Variants in ZNRF3 observed in about 807,000 individuals in gnomAD.
ZNRF3 encodes E3 ubiquitin-protein ligase ZNRF3.
Under a neutral mutation model 72.5 loss-of-function variants are expected in ZNRF3, and 23 were observed. The observed-to-expected ratio is 0.32, with a 90% CI of 0.23 to 0.45. ZNRF3 has a LOEUF of 0.45. Among genes scored for constraint, ZNRF3 ranks in the 20% least tolerant of loss-of-function variants. The pLI, the probability that ZNRF3 is intolerant of heterozygous loss-of-function variation, is 1.00. For synonymous variants in ZNRF3, 610 were observed against 545.3 expected (o/e 1.12, Z -1.65); for missense variants, 1,169 against 1,272.1 (o/e 0.92, Z 1.23).
rs753858182 is a variant in ZNRF3, at chr22:29,044,794, C to T, written c.648C>T (p.Tyr216=). Residue 216 remains tyrosine (Y), a synonymous_variant, in exon 5 of 9, where the codon TAC becomes TAT. Coordinates refer to ENST00000544604, the MANE Select transcript of ZNRF3 (RefSeq NM_001206998.2). ...TTCCGTTCCAGCAACCCACTGAATACTTTGACATGGGGATTTTCCTGGCTT... is the reference window on the plus strand; with the variant it reads ...TTCCGTTCCAGCAACCCACTGAATATTTTGACATGGGGATTTTCCTGGCTT... ...QHRPPRQPTE[Y]FDMGIFLAFF... 3 of 1,614,022 alleles carry T rather than the reference C, an allele frequency of 1.9e-6. No homozygotes were observed. The highest frequency in any genetic ancestry group is 2.2e-5 in the South Asian group (2 of 91,086).
At chr22:28,913,603 C>G (rs918449317) in intron 1 of ZNRF3, among the ~76,000 whole-genome samples, 4 of 152,126 alleles carry the variant, frequency 2.6e-5, no homozygotes, top group African/African-American at 9.7e-5. Flanking sequence ...CTATTTCTTC[C>G]ATTTCAGCTT....
chr22:28,968,135 CACTA>C (rs1015229142), intron 1 of ZNRF3, among the ~76,000 whole-genome samples: 1 of 152,102 alleles, frequency 6.6e-6, no homozygotes, highest in African/African-American at 2.4e-5. Flanking sequence ...CCCTCTGTGT[CACTA>C]ACTACTATTT....
intron 2 of ZNRF3, among the ~76,000 whole-genome samples, chr22:28,996,372 T>A (rs2036046016): frequency 6.6e-6 from 1 of 152,252 alleles, no homozygotes; most frequent in Non-Finnish European, 1.5e-5. Context: ...AATGTGTGCT[T>A]GCATATTCTG....
At chr22:28,945,251 A>G (rs146556149) in intron 1 of ZNRF3, among the ~76,000 whole-genome samples, 1,758 of 152,264 alleles carry the variant, frequency 0.012, 19 homozygotes, top group Middle Eastern at 0.045. Flanking sequence ...ATATCTAACA[A>G]TAAAGGGCTA....
At chr22:29,032,625 G>A (rs1032541686) in intron 2 of ZNRF3, among the ~76,000 whole-genome samples, 1 of 152,220 alleles carries the variant, frequency 6.6e-6, no homozygotes, top group Non-Finnish European at 1.5e-5. Context: ...TCAAAGGGAG[G>A]AGATAGGTGG....
intron 2 of ZNRF3, among the ~76,000 whole-genome samples, chr22:29,011,266 T>A (rs2036341969): frequency 6.6e-6 from 1 of 152,186 alleles, no homozygotes. Flanking sequence ...GATGAGGAAG[T>A]ATACAAAAGG....
chr22:28,886,696 C>T (rs187320440), intron 1 of ZNRF3, among the ~76,000 whole-genome samples: 6 of 152,220 alleles, frequency 3.9e-5, no homozygotes, highest in East Asian at 3.9e-4. Flanking sequence ...TGGTGACTGA[C>T]GCCTGTAGTC....
intron 5 of ZNRF3, 114 bp from the exon 6 acceptor site, chr22:29,046,602 C>A: frequency 3.3e-6 from 4 of 1,212,316 alleles, no homozygotes; most frequent in Non-Finnish European, 4.4e-6. Flanking sequence ...GAAGTCTGTT[C>A]CGGCATGATA....
chr22:29,043,535 A>G, intron 4 of ZNRF3, 105 bp downstream of exon 4: 1 of 1,427,908 alleles, frequency 7.0e-7, no homozygotes, highest in Non-Finnish European at 9.5e-7. Flanking sequence ...AAATGCTGGC[A>G]TACCCCAGGT....
At chr22:29,043,475 T>C in intron 4 of ZNRF3, 45 bp downstream of exon 4, 1 of 1,606,688 alleles carries the variant, frequency 6.2e-7, no homozygotes, top group South Asian at 1.1e-5. Flanking sequence ...CCTTCTCTGC[T>C]ACTACCTGTC....
chr22:29,051,290 C>G lies in ZNRF3; in HGVS notation c.2767+342C>G, dbSNP rs904408716. On this transcript the variant is annotated intron_variant, in intron 8 of 8. Coordinates refer to ENST00000544604, the MANE Select transcript of ZNRF3 (RefSeq NM_001206998.2). Reference sequence around the variant, plus strand: ...TAGTGGCTCATGCCTCTAATCTTGGCTCACCCAACCACTTTGGGAGGCCGA... The same window carrying G: ...TAGTGGCTCATGCCTCTAATCTTGGGTCACCCAACCACTTTGGGAGGCCGA... Among the ~76,000 whole-genome samples the G allele has an allele frequency of 4.6e-5, 7 of 152,296 alleles. No homozygotes were observed. The East Asian group carries it at 1.4e-3, about 29-fold the overall frequency.
At chr22:29,041,546 A>G (rs1301542275) in intron 2 of ZNRF3, among the ~76,000 whole-genome samples, 1 of 152,042 alleles carries the variant, frequency 6.6e-6, no homozygotes, top group Non-Finnish European at 1.5e-5. Flanking sequence ...CATCCCTCTG[A>G]TCAGTAGTTC....
At chr22:28,949,002 G>A (rs2035104572) in intron 1 of ZNRF3, among the ~76,000 whole-genome samples, 1 of 152,112 alleles carries the variant, frequency 6.6e-6, no homozygotes, top group African/African-American at 2.4e-5. Flanking sequence ...TTTTTGAGGT[G>A]GAGTTTCGCT....
chr22:28,888,968 A>T (rs994138892), intron 1 of ZNRF3, among the ~76,000 whole-genome samples: 1 of 152,184 alleles, frequency 6.6e-6, no homozygotes, highest in South Asian at 2.1e-4. Flanking sequence ...AAAAAAAATT[A>T]GCCAGGTGTG....
At chr22:28,966,675 G>T (rs1465210485) in intron 1 of ZNRF3, among the ~76,000 whole-genome samples, 2 of 151,786 alleles carry the variant, frequency 1.3e-5, no homozygotes, top group African/African-American at 4.8e-5. Context: ...ATGAAATAAG[G>T]ATATAAAGAA....
intron 2 of ZNRF3, among the ~76,000 whole-genome samples, chr22:29,010,122 G>C (rs1408789040): frequency 6.6e-6 from 1 of 151,934 alleles, no homozygotes; most frequent in African/African-American, 2.4e-5. Flanking sequence ...TGTCTGCCAG[G>C]ATGGTCTCGA....
chr22:28,993,622 G>A (rs974937046), intron 2 of ZNRF3, among the ~76,000 whole-genome samples: 3 of 152,200 alleles, frequency 2.0e-5, no homozygotes, highest in African/African-American at 2.4e-5. Flanking sequence ...GATTGGGAGA[G>A]GGGGAGCATG....
At chr22:28,904,669 G>A (rs1253357433) in intron 1 of ZNRF3, among the ~76,000 whole-genome samples, 1 of 152,050 alleles carries the variant, frequency 6.6e-6, no homozygotes, top group African/African-American at 2.4e-5. Flanking sequence ...CTTTTATCCT[G>A]TTTAGTTTAT....
chr22:29,034,200 A>G (rs2036820289), intron 2 of ZNRF3, among the ~76,000 whole-genome samples: 1 of 152,176 alleles, frequency 6.6e-6, no homozygotes, highest in African/African-American at 2.4e-5. Context: ...AGACAATTCC[A>G]GAAGGTCCTG....
Sources: gnomAD v4.1 joint callset for allele counts (sites outside exome capture counted in the v4.1 genomes callset) on GRCh38, gnomAD v4.1.1 for gene constraint, MANE v1.5 for transcripts, NCBI Gene and HGNC (gene_info 2026-07-23, HGNC 2026-07-21) for gene names.